The following LAT variants were observed in gnomAD, a reference collection of about 807,000 sequenced individuals.
LAT encodes linker for activation of T-cells family member 1.
In LAT, 12 loss-of-function variants were observed where a neutral mutation model predicts 39.1. That is an observed-to-expected ratio of 0.31 (90% confidence interval 0.20 to 0.50). The LOEUF (loss-of-function observed/expected upper bound fraction) is 0.50, where lower values mean the gene tolerates loss of function less well. Among genes scored for constraint, LAT ranks in the 20% least tolerant of loss-of-function variants. LAT has a pLI of 0.98. For synonymous variants in LAT, 117 were observed against 123.8 expected, an observed-to-expected ratio of 0.95 and a Z score of 0.36; for missense variants, 253 against 308.0, an observed-to-expected ratio of 0.82 and a Z score of 1.34.
Position 28,985,641 on chromosome 16 carries a change from G to A in LAT, c.101-72G>A, listed in dbSNP as rs1567530588. On this transcript the variant is annotated intron_variant, in intron 1 of 11. Transcript: ENST00000395456. The surrounding 1 kb of genome is among the most constrained non-coding windows in gnomAD (Gnocchi z 4.6). ...TCCGTCCTGATCCCAGCGCCTCTGA[G>A]AGTCCCTGGATCCCAGCACCTTCTG... The A allele has an allele frequency of 6.2e-7, 1 of 1,609,768 alleles. No homozygotes were observed. Among genetic ancestry groups the A allele is most frequent in the South Asian group, 1.1e-5 (1 of 90,938 alleles).
At position 28,985,166 on chromosome 16, in the gene LAT, C is replaced by T. The variant is rs1335022150; in HGVS notation, c.-252C>T. ...GGATCCCCCGACTTCAGCCCAGGCC[C>T]TGGTCTGACCACCCTGGGAGCAGGG... On this transcript the variant is annotated 5_prime_UTR_variant, in exon 1 of 12. Coordinates refer to ENST00000395456, the MANE Select transcript of LAT (RefSeq NM_001014987.2). This position sits in a 1 kb window ranked among gnomAD's most constrained non-coding sequence, Gnocchi z 4.6. 1.6e-5 allele frequency: 23 copies of T among 1,429,156 alleles called. No homozygotes were observed. Among genetic ancestry groups the T allele is most frequent in the Non-Finnish European group, 2.0e-5 (22 of 1,096,400 alleles). The allele number at this position is 1,429,156 out of a possible 1,614,324, so 88.5% of individuals were successfully genotyped here. A position where few individuals can be genotyped will look rare whatever the true frequency, so the allele number is the denominator to read the frequency against.
Position 28,986,296 on chromosome 16 carries a change from T to G in LAT, c.245+80T>G. 1 of 1,572,112 alleles carries G rather than the reference T, an allele frequency of 6.4e-7. No homozygotes were observed. Among genetic ancestry groups the G allele is most frequent in the East Asian group, 2.3e-5 (1 of 44,360 alleles). The stretch of plus-strand genomic sequence containing the variant: ...CTCCACTCTCTACCCCTTCACTTTT[T>G]TGGATTGGGGGCCCCTTTCCCTTTT... On this transcript the variant is annotated intron_variant, in intron 4 of 11. Coordinates refer to ENST00000395456, the MANE Select transcript of LAT (RefSeq NM_001014987.2). This position sits in a 1 kb window ranked among gnomAD's most constrained non-coding sequence, Gnocchi z 5.7.
At chr16:28,990,159 C>T (rs751932833) in intron 11 of LAT, 30 bp from the exon 12 acceptor site, 15 of 740,814 alleles carry the variant, frequency 2.0e-5, no homozygotes, top group South Asian at 9.1e-5. Flanking sequence ...CCTCCTGATC[C>T]GTATCCCTCC....
In LAT at chr16:28,985,634, C is replaced by T; in HGVS notation, c.101-79C>T. On this transcript the variant is annotated intron_variant, in intron 1 of 11. Coordinates refer to ENST00000395456, the MANE Select transcript of LAT (RefSeq NM_001014987.2). This position sits in a 1 kb window ranked among gnomAD's most constrained non-coding sequence, Gnocchi z 4.6. ...CCCTGCCTCCGTCCTGATCCCAGCG[C>T]CTCTGAGAGTCCCTGGATCCCAGCA... 1 of 1,602,428 alleles carries T rather than the reference C, an allele frequency of 6.2e-7. No individual in the cohort carries two copies. Among genetic ancestry groups the T allele is most frequent in the Admixed American group, 1.7e-5 (1 of 59,970 alleles).
At chr16:28,984,996 G>A, upstream of LAT, 2 of 1,444,702 alleles carry the variant, frequency 1.4e-6, no homozygotes, top group Non-Finnish European at 1.8e-6. Flanking sequence ...GTGGGAAGGG[G>A]GCGGGTGCAG....
At position 28,986,104 on chromosome 16, in the gene LAT, T is replaced by C; in HGVS notation, c.164-31T>C. 6.4e-7 allele frequency: 1 copy of C among 1,552,418 alleles called. No individual in the cohort carries two copies. The highest frequency in any genetic ancestry group is 1.8e-5 in the Admixed American group (1 of 54,452). On this transcript the variant is annotated intron_variant, in intron 3 of 11. Coordinates refer to ENST00000395456, the MANE Select transcript of LAT (RefSeq NM_001014987.2). This position sits in a 1 kb window ranked among gnomAD's most constrained non-coding sequence, Gnocchi z 5.7. The stretch of plus-strand genomic sequence containing the variant: ...TTTGAGGCCTTGACGATGTCCGGAG[T>C]CCTTCTTTCAACTTGGTTCTGTGTC...
chr16:28,988,078 T>G (rs1965798800), intron 8 of LAT: 1 of 147,468 alleles, frequency 6.8e-6, no homozygotes, highest in East Asian at 2.0e-4. Flanking sequence ...GGTGACAGAG[T>G]GAGACCTTGT....
At position 28,985,312 on chromosome 16, in the gene LAT, C is replaced by A. The variant is rs1428110327; in HGVS notation, c.-106C>A. On this transcript the variant is annotated 5_prime_UTR_variant, in exon 1 of 12. Transcript: ENST00000395456. The surrounding 1 kb of genome is among the most constrained non-coding windows in gnomAD (Gnocchi z 4.6). The stretch of plus-strand genomic sequence containing the variant: ...CCCCTGCCACCTGGTGCCTACCTGC[C>A]CCCTGCTCCCTGCCGGGTCCGGTCC... 5.9e-6 allele frequency: 9 copies of A among 1,537,002 alleles called. No individual in the cohort carries two copies. Among genetic ancestry groups the A allele is most frequent in the Non-Finnish European group, 7.9e-6 (9 of 1,140,582 alleles).
chr16:28,985,720 C>T lies in LAT; in HGVS notation c.108C>T (p.Tyr36=), dbSNP rs138690406. 3.0e-4 allele frequency: 482 copies of T among 1,613,994 alleles called. 2 individuals are homozygous for T. Among genetic ancestry groups the T allele is most frequent in the Middle Eastern group, 2.0e-3 (12 of 6,006 alleles). ...CVHCHRLPGS[Y]DSTSSDSLYP... ...CAGCCCTCTCTTTCCCAGGCTCCTA[C>T]GACAGCACATCCTCAGATAGGTGAG... is the stretch of plus-strand genomic sequence containing the variant. The change falls in exon 2 of 12, where the codon TAC becomes TAT. Residue 36 remains tyrosine (Y), a synonymous_variant. Transcript: ENST00000395456. This position sits in a 1 kb window ranked among gnomAD's most constrained non-coding sequence, Gnocchi z 4.6.
intron 8 of LAT, among the ~76,000 whole-genome samples, 185 bp downstream of exon 8, chr16:28,987,078 A>T (rs547125942): frequency 1.1e-3 from 161 of 152,040 alleles, no homozygotes; most frequent in African/African-American, 3.5e-3. Context: ...TAGCTTATTT[A>T]AAAAATTTTT....
chr16:28,986,761 T>G lies in LAT; in HGVS notation c.399-38T>G, dbSNP rs1567531452. 6.2e-7 allele frequency: 1 copy of G among 1,609,380 alleles called. No homozygotes were observed. Among genetic ancestry groups the G allele is most frequent in the Admixed American group, 1.7e-5 (1 of 59,554 alleles). On this transcript the variant is annotated intron_variant, in intron 7 of 11. Coordinates refer to ENST00000395456, the MANE Select transcript of LAT (RefSeq NM_001014987.2). The surrounding 1 kb of genome is among the most constrained non-coding windows in gnomAD (Gnocchi z 5.7). ...GGGAGGTGAGGGCTGAGGCTGTGCGTCCCCCCTTGCTCACCGGCCCTTTTC... is the reference window on the plus strand; with the variant it reads ...GGGAGGTGAGGGCTGAGGCTGTGCGGCCCCCCTTGCTCACCGGCCCTTTTC...
rs750192929 is a variant in LAT, at chr16:28,986,115, A to G, written c.164-20A>G. ...GACGATGTCCGGAGTCCTTCTTTCA[A>G]CTTGGTTCTGTGTCCTCAGACACGG... On this transcript the variant is annotated intron_variant, in intron 3 of 11. Transcript: ENST00000395456. The surrounding 1 kb of genome is among the most constrained non-coding windows in gnomAD (Gnocchi z 5.7). The G allele has an allele frequency of 1.2e-5, 19 of 1,579,350 alleles. No individual in the cohort carries two copies. Among genetic ancestry groups the G allele is most frequent in the South Asian group, 3.5e-5 (3 of 85,990 alleles).
In LAT at chr16:28,985,665, T is replaced by C. The variant is rs777429025; in HGVS notation, c.101-48T>C. ...AGAGTCCCTGGATCCCAGCACCTTC[T>C]GCCCTAAGCACCCCCTGTTCCTGCC... On this transcript the variant is annotated intron_variant, in intron 1 of 11. Transcript: ENST00000395456. The surrounding 1 kb of genome is among the most constrained non-coding windows in gnomAD (Gnocchi z 4.6). The C allele has an allele frequency of 1.2e-6, 2 of 1,613,092 alleles. No homozygotes were observed. The highest frequency in any genetic ancestry group is 2.7e-5 in the African/African-American group (2 of 74,884).
chr16:28,986,651 C>T lies in LAT; in HGVS notation c.341-6C>T. The stretch of plus-strand genomic sequence containing the variant: ...ACTAGGCTGACCCCTGTGTCGTTAC[C>T]CCCAGAACCAGCCTGTGAGGATGCG... On this transcript the variant is annotated splice_region_variant and splice_polypyrimidine_tract_variant and intron_variant, in intron 6 of 11. Coordinates refer to ENST00000395456, the MANE Select transcript of LAT (RefSeq NM_001014987.2). The surrounding 1 kb of genome is among the most constrained non-coding windows in gnomAD (Gnocchi z 5.7). The T allele has an allele frequency of 6.2e-7, 1 of 1,613,988 alleles. No homozygotes were observed. The highest frequency in any genetic ancestry group is 1.6e-4 in the Middle Eastern group (1 of 6,062).
intron 11 of LAT, 51 bp from the exon 12 acceptor site, chr16:28,990,138 A>AC (rs568346859): frequency 8.8e-5 from 73 of 831,736 alleles, no homozygotes; most frequent in South Asian, 6.0e-4. Context: ...GTACCTGCTG[A>AC]ACCCCGTCAG....
chr16:28,990,261 G>T lies in LAT; in HGVS notation c.*80G>T. On this transcript the variant is annotated 3_prime_UTR_variant, in exon 12 of 12. Coordinates refer to ENST00000395456, the MANE Select transcript of LAT (RefSeq NM_001014987.2). ...CTGGGCAGCTGGAAGTGGCTCTGGG[G>T]TCCTCACATGGCGTCCTGCCCTTGC... 2 of 682,776 alleles carry T rather than the reference G, an allele frequency of 2.9e-6. No homozygotes were observed. Among genetic ancestry groups the T allele is most frequent in the Non-Finnish European group, 5.4e-6 (2 of 372,580 alleles). 42.3% of individuals were successfully genotyped at this position (682,776 alleles called of 1,614,324 possible). A position where few individuals can be genotyped will look rare whatever the true frequency, so the allele number is the denominator to read the frequency against.
rs1438793372 is a variant in LAT at position 28,985,989 on chromosome 16, G to A, written c.163+101G>A. On this transcript the variant is annotated intron_variant, in intron 3 of 11. Transcript: ENST00000395456. This position sits in a 1 kb window ranked among gnomAD's most constrained non-coding sequence, Gnocchi z 4.6. The stretch of plus-strand genomic sequence containing the variant: ...AGACTTCCCCTGCCACCTTGGGGCT[G>A]CCCACATGGCCTTGACCTGAGCTGG... 8 of 1,469,002 alleles carry A rather than the reference G, an allele frequency of 5.4e-6. No individual in the cohort carries two copies. The Admixed American group carries it at 1.2e-4, about 22-fold the overall frequency. The allele number at this position is 1,469,002 out of a possible 1,614,324, so 91.0% of individuals were successfully genotyped here.
chr16:28,990,022 G>T lies in LAT; in HGVS notation c.*7+3G>T. 5.0e-6 allele frequency: 8 copies of T among 1,609,966 alleles called. No individual in the cohort carries two copies. The highest frequency in any genetic ancestry group is 6.8e-6 in the Non-Finnish European group (8 of 1,177,572). Reference sequence around the variant, plus strand: ...GCAGGAGCTGAACTGAGGGCCTGGTGAGAGGCCTGCCCTGTCCCCACCCTG... The same window carrying T: ...GCAGGAGCTGAACTGAGGGCCTGGTTAGAGGCCTGCCCTGTCCCCACCCTG... On this transcript the variant is annotated splice_donor_region_variant and intron_variant, in intron 11 of 11. Transcript: ENST00000395456.
upstream of LAT, chr16:28,984,928 G>C: frequency 6.5e-7 from 1 of 1,543,272 alleles, no homozygotes; most frequent in Admixed American, 2.0e-5. Context: ...CAGACCCTTG[G>C]TGAGTGCCTG....
Sources: allele counts gnomAD v4.1 joint callset (sites outside exome capture counted in the v4.1 genomes callset), GRCh38; gene constraint gnomAD v4.1.1; non-coding constraint Gnocchi (gnomAD v3.1); transcripts MANE v1.5; gene names NCBI Gene and HGNC (gene_info 2026-07-23, HGNC 2026-07-21).